SLC2A9: variants seen among roughly 807,000 people sequenced by gnomAD.
The protein encoded by SLC2A9 is solute carrier family 2, facilitated glucose transporter member 9.
SLC2A9 carries 39 observed loss-of-function variants against 50.6 expected under a neutral mutation model. That is an observed-to-expected ratio of 0.77 (90% CI 0.60 to 1.01). The LOEUF (loss-of-function observed/expected upper bound fraction) is 1.01, where lower values mean the gene tolerates loss of function less well. SLC2A9 is among the 50% of genes least tolerant of loss of function. The pLI is 0.00. For synonymous variants in SLC2A9, 324 were observed against 276.9 expected (o/e 1.17, Z -1.69); for missense variants, 686 against 677.6 (o/e 1.01, Z -0.14).
intron 5 of SLC2A9, among the ~76,000 whole-genome samples, chr4:9,943,769 G>T (rs1404400877): frequency 6.6e-6 from 1 of 152,144 alleles, no homozygotes; most frequent in Non-Finnish European, 1.5e-5. Context: ...TTCTCTCGGG[G>T]TTTGGCTGCC....
chr4:10,002,949 C>G lies in SLC2A9; in HGVS notation c.250-6008G>C, dbSNP rs76428641. 5.0e-3 allele frequency among the ~76,000 whole-genome samples: 761 copies of G among 152,294 alleles called. 3 individuals carry two copies. The highest frequency in any genetic ancestry group is 0.017 in the African/African-American group (710 of 41,550). ...GTGGTGAATACAGCAGCAACCACCC[C>G]CAAGGAGCACAGAGTCTAGTGGGAG... On this transcript the variant is annotated intron_variant, in intron 2 of 11. Coordinates refer to ENST00000264784, the MANE Select transcript of SLC2A9 (RefSeq NM_020041.3).
chr4:9,878,036 G>C (rs1336968948), intron 10 of SLC2A9, among the ~76,000 whole-genome samples: 1 of 152,090 alleles, frequency 6.6e-6, no homozygotes, highest in African/African-American at 2.4e-5. Flanking sequence ...ATTCTCAACT[G>C]TGCCCTGTCC....
chr4:10,030,207 G>A (rs970603592), intron 1 of SLC2A9, among the ~76,000 whole-genome samples: 1 of 152,144 alleles, frequency 6.6e-6, no homozygotes, highest in African/African-American at 2.4e-5. Context: ...TGCAAGACTA[G>A]ATTTTAAATG....
intron 3 of SLC2A9, among the ~76,000 whole-genome samples, chr4:9,780,366 T>C (rs753444978): frequency 1.3e-5 from 2 of 152,000 alleles, no homozygotes; most frequent in Non-Finnish European, 2.9e-5. Flanking sequence ...GAGGTGAGGA[T>C]GGCCCTTCAG....
At chr4:9,782,674 G>C (rs1718627743) in intron 3 of SLC2A9, 3 of 1,613,900 alleles carry the variant, frequency 1.9e-6, no homozygotes, top group Non-Finnish European at 2.5e-6. Context: ...TGAATGCAGA[G>C]AACTGTGACT....
chr4:9,782,000 G>T, intron 3 of SLC2A9: 1 of 1,426,484 alleles, frequency 7.0e-7, no homozygotes, highest in Admixed American at 2.9e-5. Context: ...TTGGGACCGC[G>T]CACAGACCGC....
intron 1 of SLC2A9, among the ~76,000 whole-genome samples, chr4:9,774,155 A>G (rs908022978): frequency 5.9e-5 from 9 of 151,836 alleles, no homozygotes; most frequent in Admixed American, 1.3e-4. Context: ...CACCTCACCC[A>G]GCTAATTTTT....
chr4:9,880,969 T>G (rs992402834), intron 10 of SLC2A9, among the ~76,000 whole-genome samples: 1 of 152,154 alleles, frequency 6.6e-6, no homozygotes, highest in African/African-American at 2.4e-5. Context: ...GTGAGTTCCA[T>G]AAAACCGCAA....
At chr4:9,839,007 T>A (rs1191694457) in intron 10 of SLC2A9, among the ~76,000 whole-genome samples, 3 of 151,934 alleles carry the variant, frequency 2.0e-5, no homozygotes, top group African/African-American at 7.3e-5. Flanking sequence ...ACAAATGGGA[T>A]CCAATTAAAC....
At chr4:9,847,961 G>C (rs1057474954) in intron 10 of SLC2A9, among the ~76,000 whole-genome samples, 9 of 152,136 alleles carry the variant, frequency 5.9e-5, no homozygotes, top group Non-Finnish European at 1.3e-4. Context: ...AAAAGTTAGA[G>C]GCAGAAAATA....
At chr4:9,783,695 A>T in intron 3 of SLC2A9, 1 of 530,890 alleles carries the variant, frequency 1.9e-6, no homozygotes, top group Non-Finnish European at 3.4e-6. Flanking sequence ...TGGACCAACG[A>T]TCCTATGAGA....
At chr4:9,986,088 C>T (rs1394074857) in intron 3 of SLC2A9, among the ~76,000 whole-genome samples, 1 of 152,236 alleles carries the variant, frequency 6.6e-6, no homozygotes, top group Non-Finnish European at 1.5e-5. Context: ...CAGTGGTCAT[C>T]TTACAATTCG....
intron 1 of SLC2A9, among the ~76,000 whole-genome samples, chr4:9,772,830 T>TTA (rs1553861463): frequency 2.0e-5 from 3 of 149,868 alleles, no homozygotes; most frequent in Admixed American, 2.0e-4. Context: ...TTTTTATTTT[T>TTA]TTTTTATTAT....
Position 9,892,117 on chromosome 4 carries a change from C to T in SLC2A9, c.1114-1406G>A, listed in dbSNP as rs375681148. On this transcript the variant is annotated intron_variant, in intron 8 of 11. Transcript: ENST00000264784. ...AAGCCGTCTAGGCAATGGGCGTTCTCCCCCAAGCTTAGCATGGGCTGTTGT... is the reference window on the plus strand; with the variant it reads ...AAGCCGTCTAGGCAATGGGCGTTCTTCCCCAAGCTTAGCATGGGCTGTTGT... Among the ~76,000 whole-genome samples, 13 of 152,348 alleles carry T rather than the reference C, an allele frequency of 8.5e-5. No homozygotes were observed. In the South Asian group the frequency reaches 2.7e-3, roughly 32 times the overall value.
At chr4:9,781,236 C>T (rs1254348963) in intron 3 of SLC2A9, among the ~76,000 whole-genome samples, 1 of 152,166 alleles carries the variant, frequency 6.6e-6, no homozygotes, top group Non-Finnish European at 1.5e-5. Context: ...TTATGTAGGG[C>T]CCTTAAAGTC....
chr4:9,848,302 C>T (rs1729296994), intron 10 of SLC2A9, among the ~76,000 whole-genome samples: 1 of 151,388 alleles, frequency 6.6e-6, no homozygotes, highest in African/African-American at 2.4e-5. Flanking sequence ...AACCAGGTAG[C>T]CAGCATAAGT....
At chr4:9,777,136 A>G (rs2108830532), downstream of SLC2A9, among the ~76,000 whole-genome samples, 1 of 152,240 alleles carries the variant, frequency 6.6e-6, no homozygotes, top group East Asian at 1.9e-4. Context: ...TCTCTCCTCA[A>G]TAATATAAGC....
intron 7 of SLC2A9, among the ~76,000 whole-genome samples, chr4:9,913,986 G>A (rs553813769): frequency 1.2e-4 from 18 of 152,274 alleles, no homozygotes; most frequent in African/African-American, 3.1e-4. Flanking sequence ...CCTACATGAC[G>A]TAACTGCATT....
At chr4:9,911,475 A>G (rs1741776377) in intron 7 of SLC2A9, among the ~76,000 whole-genome samples, 1 of 152,182 alleles carries the variant, frequency 6.6e-6, no homozygotes, top group East Asian at 1.9e-4. Flanking sequence ...CAGGAAACTT[A>G]AGAGTGCATC....
Sources: allele counts gnomAD v4.1 joint callset (sites outside exome capture counted in the v4.1 genomes callset), GRCh38; gene constraint gnomAD v4.1.1; transcripts MANE v1.5; gene names NCBI Gene and HGNC (gene_info 2026-07-23, HGNC 2026-07-21).